The following REDIC1 variants were observed in gnomAD, a reference collection of about 807,000 sequenced individuals.
The protein encoded by REDIC1 is HEI10 Interacting Protein 1.
At chr12:39,691,462 T>G in the REDIC1 span, among the ~76,000 whole-genome samples, 1 of 152,168 alleles carries the variant, frequency 6.6e-6, no homozygotes, top group Non-Finnish European at 1.5e-5. Flanking sequence ...CATGGGTACA[T>G]TCTCTAATCA....
At chr12:39,778,210 G>C in the REDIC1 span, among the ~76,000 whole-genome samples, 38 of 152,232 alleles carry the variant, frequency 2.5e-4, no homozygotes, top group African/African-American at 9.2e-4. Context: ...TGCATCCAAC[G>C]TACTCATTTT....
At chr12:39,830,293 T>C in the REDIC1 span, 1 of 1,559,722 alleles carries the variant, frequency 6.4e-7, no homozygotes, top group Non-Finnish European at 8.7e-7. Flanking sequence ...TATACTGGAT[T>C]CCATGTGCTT....
the REDIC1 span, among the ~76,000 whole-genome samples, chr12:39,734,485 T>C: frequency 5.3e-5 from 8 of 152,352 alleles, no homozygotes; most frequent in South Asian, 6.2e-4. Flanking sequence ...TCTCCTGCTT[T>C]TTCTTCCTGA....
chr12:39,886,135 C>G, the REDIC1 span, among the ~76,000 whole-genome samples: 10 of 152,088 alleles, frequency 6.6e-5, no homozygotes, highest in Middle Eastern at 3.2e-3. Flanking sequence ...TTTATTGTTC[C>G]TTTTCCAAAT....
the REDIC1 span, among the ~76,000 whole-genome samples, chr12:39,734,021 C>A: frequency 6.6e-6 from 1 of 152,190 alleles, no homozygotes; most frequent in Non-Finnish European, 1.5e-5. Context: ...TGCTTGAAAC[C>A]CAGGGCCCTG....
At chr12:39,876,817 C>A in the REDIC1 span, among the ~76,000 whole-genome samples, 5 of 152,112 alleles carry the variant, frequency 3.3e-5, no homozygotes, top group African/African-American at 9.7e-5. Context: ...CTCTTCCTGA[C>A]AAGAGCCAGT....
chr12:39,690,077 G>T, the REDIC1 span, among the ~76,000 whole-genome samples: 1 of 152,162 alleles, frequency 6.6e-6, no homozygotes. Flanking sequence ...TTCTACCAGA[G>T]GGGCCAAGGC....
At chr12:39,660,062 C>A in the REDIC1 span, among the ~76,000 whole-genome samples, 7 of 152,152 alleles carry the variant, frequency 4.6e-5, no homozygotes, top group Admixed American at 4.6e-4. Flanking sequence ...AAATTTTCCA[C>A]TCTAGAGGGT....
At chr12:39,650,056 T>A in the REDIC1 span, among the ~76,000 whole-genome samples, 2 of 152,018 alleles carry the variant, frequency 1.3e-5, no homozygotes, top group Non-Finnish European at 2.9e-5. The surrounding 1 kb of genome is among the most constrained non-coding windows in gnomAD (Gnocchi z 4.3). Context: ...CTGGTATTGA[T>A]TTTTTTGTTA....
At chr12:39,680,664 GAC>G in the REDIC1 span, among the ~76,000 whole-genome samples, 1 of 152,048 alleles carries the variant, frequency 6.6e-6, no homozygotes, top group Admixed American at 6.6e-5. Flanking sequence ...ATATGAAAAA[GAC>G]ACTTGCATGT....
the REDIC1 span, among the ~76,000 whole-genome samples, chr12:39,681,487 T>C: frequency 6.6e-6 from 1 of 152,188 alleles, no homozygotes; most frequent in Non-Finnish European, 1.5e-5. Context: ...AAAAAAAGAT[T>C]TACATTTATA....
At chr12:39,902,362 AAAAAG>A in the REDIC1 span, among the ~76,000 whole-genome samples, 7 of 152,166 alleles carry the variant, frequency 4.6e-5, no homozygotes, top group East Asian at 1.2e-3. Context: ...AAAAATTAAA[AAAAAG>A]AAGAGTGAAA....
chr12:39,750,643 A>G, the REDIC1 span, among the ~76,000 whole-genome samples: 17 of 152,262 alleles, frequency 1.1e-4, no homozygotes, highest in African/African-American at 3.4e-4. Context: ...GAGGCATCAC[A>G]CTACCTGACT....
At chr12:39,749,514 C>T in the REDIC1 span, among the ~76,000 whole-genome samples, 4 of 152,180 alleles carry the variant, frequency 2.6e-5, no homozygotes, top group Non-Finnish European at 5.9e-5. Flanking sequence ...GGTACCATTC[C>T]TTCTGAAACT....
At chr12:39,765,833 G>T in the REDIC1 span, among the ~76,000 whole-genome samples, 2 of 151,998 alleles carry the variant, frequency 1.3e-5, no homozygotes, top group Non-Finnish European at 2.9e-5. Context: ...CCATCACCTA[G>T]GTATTAAGCC....
chr12:39,674,529 T>C, the REDIC1 span, among the ~76,000 whole-genome samples: 446 of 152,288 alleles, frequency 2.9e-3, 2 homozygotes, highest in African/African-American at 0.01. Flanking sequence ...AGATGTGGCT[T>C]GCTCTGCAAA....
the REDIC1 span, among the ~76,000 whole-genome samples, chr12:39,685,904 T>C: frequency 6.6e-6 from 1 of 152,232 alleles, no homozygotes; most frequent in Non-Finnish European, 1.5e-5. Context: ...GGCCCCATGC[T>C]AGTCTGAAAC....
chr12:39,876,935 G>A, the REDIC1 span, among the ~76,000 whole-genome samples: 2 of 152,138 alleles, frequency 1.3e-5, no homozygotes, highest in Admixed American at 6.5e-5. Flanking sequence ...TTTATTGACT[G>A]TAAGACCTTA....
the REDIC1 span, among the ~76,000 whole-genome samples, chr12:39,728,766 C>A: frequency 2.1e-5 from 3 of 141,954 alleles, no homozygotes; most frequent in Non-Finnish European, 4.5e-5. Context: ...GCTCTGAATC[C>A]ATCTGGTCCT....
Sources: allele counts gnomAD v4.1 joint callset (sites outside exome capture counted in the v4.1 genomes callset), GRCh38; gene constraint gnomAD v4.1.1; non-coding constraint Gnocchi (gnomAD v3.1); transcripts MANE v1.5; gene names NCBI Gene and HGNC (gene_info 2026-07-23, HGNC 2026-07-21).